GNB5: variants seen among roughly 807,000 people sequenced by gnomAD.
GNB5 encodes the protein G protein subunit beta 5.
GNB5 carries 37 observed loss-of-function variants against 55.3 expected under a neutral mutation model. The observed-to-expected ratio is 0.67, with a 90% CI of 0.51 to 0.88. The LOEUF is 0.88. Ranked by LOEUF, GNB5 falls within the 40% of genes least tolerant of loss-of-function variation. GNB5 has a pLI of 0.00. For synonymous variants in GNB5, 219 were observed against 198.5 expected, an observed-to-expected ratio of 1.10 and a Z score of -0.87; for missense variants, 476 against 515.3, an observed-to-expected ratio of 0.92 and a Z score of 0.74.
intron 3 of GNB5, among the ~76,000 whole-genome samples, chr15:52,164,086 G>A (rs148259365): frequency 0.011 from 1,696 of 152,066 alleles, 34 homozygotes; most frequent in African/African-American, 0.039. Flanking sequence ...AGAGGATCAC[G>A]AGGTCAGGAG....
Position 52,124,410 on chromosome 15 carries a change from G to A in GNB5, c.1176+63C>T, listed in dbSNP as rs2034934033. The A allele has an allele frequency of 3.7e-6, 5 of 1,354,132 alleles. No homozygotes were observed. The African/African-American group carries it at 4.3e-5, about 12-fold the overall frequency. 83.9% of individuals were successfully genotyped at this position (1,354,132 alleles called of 1,614,324 possible). A position where few individuals can be genotyped will look rare whatever the true frequency, so the allele number is the denominator to read the frequency against. ...CTCTGATAGCCTTCCCTCTGCTTCAGAAGGCCTGTCACCAGTCCTCTCTCC... is the reference window on the plus strand; with the variant it reads ...CTCTGATAGCCTTCCCTCTGCTTCAAAAGGCCTGTCACCAGTCCTCTCTCC... On this transcript the variant is annotated intron_variant, in intron 12 of 12. Coordinates refer to ENST00000261837, the MANE Select transcript of GNB5 (RefSeq NM_016194.4).
chr15:52,181,907 C>T (rs116719808), intron 2 of GNB5, among the ~76,000 whole-genome samples: 3,464 of 151,704 alleles, frequency 0.023, 134 homozygotes, highest in African/African-American at 0.08. Context: ...ATATAACAAA[C>T]ATGTTTATAA....
intron 10 of GNB5, 169 bp from the exon 11 acceptor site, chr15:52,126,213 T>C (rs1433165875): frequency 3.6e-6 from 2 of 558,012 alleles, no homozygotes; most frequent in African/African-American, 3.8e-5. Context: ...CTCCTGTTAA[T>C]TTCTATGAGT....
At chr15:52,136,544 C>T (rs956556828) in intron 7 of GNB5, among the ~76,000 whole-genome samples, 12 of 152,156 alleles carry the variant, frequency 7.9e-5, no homozygotes, top group Admixed American at 7.9e-4. Context: ...AGGCTGGTCA[C>T]GGGGCACACT....
At chr15:52,157,135 C>T (rs543921977) in intron 3 of GNB5, among the ~76,000 whole-genome samples, 1 of 151,960 alleles carries the variant, frequency 6.6e-6, no homozygotes, top group African/African-American at 2.4e-5. Flanking sequence ...TGGGGTTTCA[C>T]CAAGTTAGAC....
intron 3 of GNB5, among the ~76,000 whole-genome samples, chr15:52,159,792 G>A (rs948986875): frequency 1.3e-5 from 2 of 152,128 alleles, no homozygotes; most frequent in African/African-American, 2.4e-5. Context: ...AGTGCAGTGC[G>A]ATGGTGGCTG....
At chr15:52,158,332 A>T (rs1479500934) in intron 3 of GNB5, among the ~76,000 whole-genome samples, 3 of 152,202 alleles carry the variant, frequency 2.0e-5, no homozygotes, top group Non-Finnish European at 2.9e-5. Flanking sequence ...GGAACACTTC[A>T]TAAGGGTTGG....
intron 3 of GNB5, among the ~76,000 whole-genome samples, chr15:52,162,365 G>A (rs2034353807): frequency 6.6e-6 from 1 of 152,154 alleles, no homozygotes; most frequent in African/African-American, 2.4e-5. Context: ...AAGATATGGT[G>A]TGCAGCTCAA....
At chr15:52,132,835 T>C (rs1307127353) in intron 9 of GNB5, among the ~76,000 whole-genome samples, 1 of 152,006 alleles carries the variant, frequency 6.6e-6, no homozygotes, top group Non-Finnish European at 1.5e-5. Context: ...TTAGGTCCCT[T>C]AACCTCTCAT....
chr15:52,122,853 T>C, intron 12 of GNB5, 85 bp from the exon 13 acceptor site: 1 of 947,998 alleles, frequency 1.1e-6, no homozygotes, highest in Admixed American at 1.7e-5. Flanking sequence ...AATTAGTCTA[T>C]TCACACACAT....
chr15:52,189,409 C>T (rs2034888998), intron 1 of GNB5, among the ~76,000 whole-genome samples: 1 of 151,848 alleles, frequency 6.6e-6, no homozygotes, highest in Non-Finnish European at 1.5e-5. Flanking sequence ...CATGGTGAAA[C>T]CCCATATCTA....
intron 8 of GNB5, among the ~76,000 whole-genome samples, 187 bp downstream of exon 8, chr15:52,135,426 C>T (rs561891385): frequency 7.9e-5 from 12 of 152,282 alleles, no homozygotes; most frequent in African/African-American, 2.9e-4. Context: ...GCCCACCAAG[C>T]CCCCGAGAGG....
In GNB5 at chr15:52,122,530, A is replaced by G; in HGVS notation, c.*227T>C. ...CATTTTAAAAAGTGTTCCAAAAGAA[A>G]AATACTGTACTTGAAGGTATTCTCG... On this transcript the variant is annotated 3_prime_UTR_variant, in exon 13 of 13. Transcript: ENST00000261837. The G allele has an allele frequency of 2.0e-6, 1 of 491,538 alleles. No homozygotes were observed. The highest frequency in any genetic ancestry group is 3.6e-6 in the Non-Finnish European group (1 of 279,122). The allele number at this position is 491,538 out of a possible 1,614,324, so 30.4% of individuals were successfully genotyped here. A position where few individuals can be genotyped will look rare whatever the true frequency, so the allele number is the denominator to read the frequency against.
chr15:52,148,362 C>T (rs915937882), intron 5 of GNB5, among the ~76,000 whole-genome samples: 5 of 152,096 alleles, frequency 3.3e-5, no homozygotes, highest in South Asian at 2.1e-4. Context: ...GTTGTGCTCA[C>T]GGATAATGAG....
At position 52,115,954 on chromosome 15, in the gene GNB5, TC is replaced by T. The variant is rs2033135432; in HGVS notation, c.*6802del. ...TGTGGCTCTTTGTCTCTGGTTTCTTTCCCCTGGCACAATATTTTCAAGGTTC... is the reference window on the plus strand; with the variant it reads ...TGTGGCTCTTTGTCTCTGGTTTCTTTCCCTGGCACAATATTTTCAAGGTTC... On this transcript the variant is annotated 3_prime_UTR_variant, in exon 13 of 13. Transcript: ENST00000261837. 1 of 152,238 alleles carries T rather than the reference TC, an allele frequency of 6.6e-6. No homozygotes were observed. Among genetic ancestry groups the T allele is most frequent in the African/African-American group, 2.4e-5 (1 of 41,452 alleles). 9.4% of individuals were successfully genotyped at this position (152,238 alleles called of 1,614,324 possible).
At chr15:52,156,131 C>T (rs2034202840) in intron 3 of GNB5, among the ~76,000 whole-genome samples, 1 of 152,140 alleles carries the variant, frequency 6.6e-6, no homozygotes, top group Non-Finnish European at 1.5e-5. Flanking sequence ...TTAGTAGAGA[C>T]TCATGGGTTC....
At chr15:52,139,888 G>C (rs1409753912) in intron 7 of GNB5, 4 of 1,286,742 alleles carry the variant, frequency 3.1e-6, no homozygotes, top group Non-Finnish European at 4.0e-6. Flanking sequence ...CCACAGAGGG[G>C]CTTCAGATGC....
intron 5 of GNB5, chr15:52,149,595 C>A: frequency 1.7e-6 from 1 of 594,186 alleles, no homozygotes; most frequent in South Asian, 2.1e-5. Flanking sequence ...CATGCAGTTG[C>A]ACATGTGGTT....
At chr15:52,133,333 A>C in intron 9 of GNB5, 45 bp downstream of exon 9, 4 of 1,309,882 alleles carry the variant, frequency 3.1e-6, no homozygotes, top group Non-Finnish European at 4.4e-6. Flanking sequence ...AAGCCAGGCA[A>C]TGCCGGCAGA....
Sources: allele counts gnomAD v4.1 joint callset (sites outside exome capture counted in the v4.1 genomes callset), GRCh38; gene constraint gnomAD v4.1.1; transcripts MANE v1.5; gene names NCBI Gene and HGNC (gene_info 2026-07-23, HGNC 2026-07-21).